Variants in STK32B observed in about 807,000 individuals in gnomAD.
The protein encoded by STK32B is serine/threonine kinase 32B, also known as serine/threonine-protein kinase 32B.
STK32B carries 43 observed loss-of-function variants against 52.6 expected under a neutral mutation model. That is an observed-to-expected ratio of 0.82 (90% confidence interval 0.64 to 1.05). The LOEUF (loss-of-function observed/expected upper bound fraction) is 1.05, where lower values mean the gene tolerates loss of function less well. Ranked by LOEUF, STK32B falls within the 50% of genes least tolerant of loss-of-function variation. STK32B has a pLI of 0.00. For synonymous variants in STK32B, 238 were observed against 204.3 expected, an observed-to-expected ratio of 1.17 and a Z score of -1.41; for missense variants, 621 against 534.6, an observed-to-expected ratio of 1.16 and a Z score of -1.59.
rs1319103288 is a variant in STK32B, at chr4:5,394,841, A to G, written c.435-3366A>G. 2.0e-5 allele frequency among the ~76,000 whole-genome samples: 3 copies of G among 152,248 alleles called. No individual in the cohort carries two copies. Among genetic ancestry groups the G allele is most frequent in the Admixed American group, 6.5e-5 (1 of 15,290 alleles). On this transcript the variant is annotated intron_variant, in intron 4 of 11. Coordinates refer to ENST00000282908, the MANE Select transcript of STK32B (RefSeq NM_018401.3). The surrounding 1 kb of genome is among the most constrained non-coding windows in gnomAD (Gnocchi z 4.2). Reference sequence around the variant, plus strand: ...CATATAGCTAGAGAATTAGTTTTCTATTGTTGTGAAACTAATTACCACTAA... The same window carrying G: ...CATATAGCTAGAGAATTAGTTTTCTGTTGTTGTGAAACTAATTACCACTAA...
intron 7 of STK32B, among the ~76,000 whole-genome samples, chr4:5,449,135 G>T (rs1263735357): frequency 1.3e-5 from 2 of 152,158 alleles, no homozygotes; most frequent in African/African-American, 4.8e-5. Flanking sequence ...TGAGGTCGGA[G>T]ATCGAAACAA....
At chr4:5,048,020 C>T (rs1741651783), upstream of STK32B, among the ~76,000 whole-genome samples, 1 of 152,090 alleles carries the variant, frequency 6.6e-6, no homozygotes, top group Admixed American at 6.5e-5. Context: ...CCAGCCTCCA[C>T]CCAAGGAATG....
intron 7 of STK32B, 30 bp downstream of exon 7, chr4:5,446,806 A>G (rs1451439489): frequency 6.2e-7 from 1 of 1,608,370 alleles, no homozygotes; most frequent in East Asian, 2.2e-5. Context: ...GGTACACACG[A>G]GGGGCTGTGC....
rs11723345 is a variant in STK32B, at chr4:5,206,381, G to C, written c.260+37931G>C. 5.7e-3 allele frequency among the ~76,000 whole-genome samples: 867 copies of C among 152,264 alleles called. 3 individuals are homozygous for C. The highest frequency in any genetic ancestry group is 9.0e-3 in the Non-Finnish European group (612 of 68,026). The stretch of plus-strand genomic sequence containing the variant: ...TATTCAACTTTAAATATCCTCCACT[G>C]TTTCCCACTGCTCTGGAGAGCCTCC... On this transcript the variant is annotated intron_variant, in intron 3 of 11. Coordinates refer to ENST00000282908, the MANE Select transcript of STK32B (RefSeq NM_018401.3).
At chr4:5,274,422 A>C (rs1312271921) in intron 3 of STK32B, among the ~76,000 whole-genome samples, 2 of 152,154 alleles carry the variant, frequency 1.3e-5, no homozygotes, top group Non-Finnish European at 2.9e-5. Context: ...TGAGATAAAC[A>C]AACTGAGAGA....
chr4:5,134,021 T>G (rs1715923884), intron 1 of STK32B, among the ~76,000 whole-genome samples: 1 of 152,124 alleles, frequency 6.6e-6, no homozygotes, highest in Non-Finnish European at 1.5e-5. Context: ...ATGGCCTGAC[T>G]CTCTCCCCAT....
At chr4:5,267,800 G>A (rs952353987) in intron 3 of STK32B, among the ~76,000 whole-genome samples, 1 of 152,176 alleles carries the variant, frequency 6.6e-6, no homozygotes, top group Non-Finnish European at 1.5e-5. Context: ...AAGAGACGCT[G>A]CTTGTACCAT....
At chr4:5,439,467 A>G (rs1337629920) in intron 6 of STK32B, among the ~76,000 whole-genome samples, 1 of 151,286 alleles carries the variant, frequency 6.6e-6, no homozygotes, top group South Asian at 2.1e-4. Flanking sequence ...TTTTTCTTGT[A>G]AATTTGTTTG....
chr4:5,301,271 T>C (rs537506508), intron 3 of STK32B, among the ~76,000 whole-genome samples: 1 of 152,224 alleles, frequency 6.6e-6, no homozygotes, highest in South Asian at 2.1e-4. Flanking sequence ...GGTGTCAGGA[T>C]AATGCTTGCT....
intron 11 of STK32B, among the ~76,000 whole-genome samples, chr4:5,477,941 C>A (rs1718369819): frequency 6.6e-6 from 1 of 152,124 alleles, no homozygotes; most frequent in African/African-American, 2.4e-5. Context: ...AAGAAGGACC[C>A]AGCAAACCTC....
At chr4:5,430,345 G>T (rs1434017876) in intron 6 of STK32B, among the ~76,000 whole-genome samples, 2 of 152,014 alleles carry the variant, frequency 1.3e-5, no homozygotes, top group Non-Finnish European at 2.9e-5. Context: ...CAAGTCTATT[G>T]ATAAACCTAT....
intron 4 of STK32B, among the ~76,000 whole-genome samples, chr4:5,382,718 A>C (rs560965199): frequency 1.3e-5 from 2 of 152,210 alleles, no homozygotes; most frequent in South Asian, 4.1e-4. Flanking sequence ...GAAATTGATC[A>C]TGTTTAAATG....
At chr4:5,283,626 A>T (rs1341811213) in intron 3 of STK32B, among the ~76,000 whole-genome samples, 1 of 152,204 alleles carries the variant, frequency 6.6e-6, no homozygotes, top group East Asian at 1.9e-4. Flanking sequence ...GGGAGCCCCA[A>T]GATGGCTTTC....
At chr4:5,424,050 G>T (rs957854849) in intron 6 of STK32B, among the ~76,000 whole-genome samples, 1 of 152,088 alleles carries the variant, frequency 6.6e-6, no homozygotes, top group Non-Finnish European at 1.5e-5. Context: ...GCCTGGACTC[G>T]CCCTGCTCCT....
intron 3 of STK32B, among the ~76,000 whole-genome samples, chr4:5,266,893 T>C (rs1727089017): frequency 6.6e-6 from 1 of 152,136 alleles, no homozygotes; most frequent in Admixed American, 6.6e-5. Flanking sequence ...TGCTCATAAT[T>C]CCTGTTCAAC....
chr4:5,241,313 T>G (rs1386998726), intron 3 of STK32B, among the ~76,000 whole-genome samples: 2 of 152,160 alleles, frequency 1.3e-5, no homozygotes, highest in Non-Finnish European at 2.9e-5. Context: ...ATAAAAAGAT[T>G]TGAGGATCGT....
At chr4:5,260,087 ACACACGCACACGTG>A (rs1726607911) in intron 3 of STK32B, among the ~76,000 whole-genome samples, 1 of 151,932 alleles carries the variant, frequency 6.6e-6, no homozygotes, top group African/African-American at 2.4e-5. Context: ...ATACACACAC[ACACACGCACACGTG>A]CACGCACACA....
At chr4:5,291,518 C>G (rs1257133199) in intron 3 of STK32B, among the ~76,000 whole-genome samples, 1 of 152,036 alleles carries the variant, frequency 6.6e-6, no homozygotes, top group East Asian at 1.9e-4. Flanking sequence ...TTGCTGCAGC[C>G]TTACTAAATT....
chr4:5,377,108 T>C (rs1560365267), intron 4 of STK32B, among the ~76,000 whole-genome samples: 1 of 152,234 alleles, frequency 6.6e-6, no homozygotes, highest in Admixed American at 6.5e-5. Context: ...TGCAGTGCTC[T>C]ATCTATGGCC....
Sources: gnomAD v4.1 joint callset for allele counts (sites outside exome capture counted in the v4.1 genomes callset) on GRCh38, gnomAD v4.1.1 for gene constraint, Gnocchi (gnomAD v3.1) non-coding constraint, MANE v1.5 for transcripts, NCBI Gene and HGNC (gene_info 2026-07-23, HGNC 2026-07-21) for gene names.